The following BPIFB4 variants were observed in gnomAD, a reference collection of about 807,000 sequenced individuals.
BPIFB4 encodes BPI fold containing family B member 4, also known as BPI fold-containing family B member 4.
A neutral mutation model predicts 69.2 loss-of-function variants in BPIFB4; 62 were observed. The ratio of observed to expected loss-of-function variants is 0.90; its 90% CI spans 0.73 to 1.11. The LOEUF (loss-of-function observed/expected upper bound fraction) is 1.11. Among genes scored for constraint, BPIFB4 ranks in the 50% least tolerant of loss-of-function variants. The pLI, the probability that BPIFB4 is intolerant of heterozygous loss-of-function variation, is 0.00. For missense variants in BPIFB4, 789 were observed against 792.0 expected (o/e 1.00, Z 0.04); for synonymous variants, 330 against 332.7 (o/e 0.99, Z 0.09).
In BPIFB4 at chr20:33,083,473, C is replaced by T; in HGVS notation, c.276C>T (p.Thr92=). The change falls in exon 5 of 18, where the codon ACC becomes ACT. Residue 92 remains threonine, a synonymous_variant. Transcript: ENST00000375483. ...TTTACCAGTATGGTCACATTGAGAC[C>T]AACGACAACACTGCTCAGCTGGGGG... The part of the protein sequence containing the change: ...DGIYQYGHIE[T]NDNTAQLGGK... 1 of 1,613,500 alleles carries T rather than the reference C, an allele frequency of 6.2e-7. No individual in the cohort carries two copies. The highest frequency in any genetic ancestry group is 8.5e-7 in the Non-Finnish European group (1 of 1,179,648).
chr20:33,079,934 G>A (rs1981179729), intron 1 of BPIFB4, among the ~76,000 whole-genome samples: 1 of 152,214 alleles, frequency 6.6e-6, no homozygotes, highest in Non-Finnish European at 1.5e-5. Context: ...CTTTCCCAGG[G>A]ACGTTGGGTA....
At chr20:33,105,902 T>G (rs1982037568) in intron 16 of BPIFB4, among the ~76,000 whole-genome samples, 1 of 152,146 alleles carries the variant, frequency 6.6e-6, no homozygotes, top group Non-Finnish European at 1.5e-5. Context: ...GCGAGTCTTT[T>G]AATCATACTG....
chr20:33,088,869 C>T, intron 7 of BPIFB4, 97 bp from the exon 8 acceptor site: 82 of 1,583,822 alleles, frequency 5.2e-5, no homozygotes, highest in Non-Finnish European at 6.8e-5. Flanking sequence ...GAGGTTCTCA[C>T]TGTTCAGAGC....
At chr20:33,083,104 T>C (rs1186997082) in intron 4 of BPIFB4, 104 bp downstream of exon 4, 7 of 40,722 alleles carry the variant, frequency 1.7e-4, no homozygotes, top group South Asian at 8.6e-4. Context: ...GCCTGCTTGG[T>C]GGTGGGGGTG....
At chr20:33,087,798 T>C (rs1343716868) in intron 7 of BPIFB4, among the ~76,000 whole-genome samples, 1 of 147,210 alleles carries the variant, frequency 6.8e-6, no homozygotes, top group Non-Finnish European at 1.5e-5. Flanking sequence ...AAGGCCCTTA[T>C]CATCTGAGGA....
rs755221688 is a variant in BPIFB4 at position 33,102,921 on chromosome 20, A to C, written c.1638-51A>C. 121 of 1,581,510 alleles carry C rather than the reference A, an allele frequency of 7.7e-5. 3 individuals are homozygous for C. The South Asian group carries it at 1.3e-3, about 17-fold the overall frequency. On this transcript the variant is annotated intron_variant, in intron 14 of 17. Coordinates refer to ENST00000375483, the MANE Select transcript of BPIFB4 (RefSeq NM_182519.3). ...CAATTTGTTGCAATGCAAGAGCCTT[A>C]TGATTTTCAGGCAATCCCTGCTTCT...
chr20:33,110,978 G>A (rs8122711), intron 17 of BPIFB4, among the ~76,000 whole-genome samples: 2,633 of 151,962 alleles, frequency 0.017, 78 homozygotes, highest in East Asian at 0.11. Flanking sequence ...ACCATGCCCA[G>A]ATAATTTTTG....
At chr20:33,110,419 G>T (rs1982201351) in intron 17 of BPIFB4, among the ~76,000 whole-genome samples, 1 of 152,206 alleles carries the variant, frequency 6.6e-6, no homozygotes, top group Non-Finnish European at 1.5e-5. Context: ...ATTCCTGGAG[G>T]TGTTCACTTT....
In BPIFB4 at chr20:33,101,332, G is replaced by A. The variant is rs187339631; in HGVS notation, c.1637+839G>A. Among the ~76,000 whole-genome samples the A allele has an allele frequency of 2.0e-4, 31 of 152,256 alleles. No homozygotes were observed. The East Asian group carries it at 4.8e-3, about 24-fold the overall frequency. On this transcript the variant is annotated intron_variant, in intron 14 of 17. Transcript: ENST00000375483. The stretch of plus-strand genomic sequence containing the variant: ...CTGCATTGGATGGGTACAATCATGC[G>A]CTTTGGAGCCAAGCAATATGGGTTC...
intron 8 of BPIFB4, 95 bp from the exon 9 acceptor site, chr20:33,089,403 A>C (rs536237654): frequency 3.8e-6 from 6 of 1,580,474 alleles, no homozygotes; most frequent in African/African-American, 1.3e-5. Context: ...GCAAGCAGTC[A>C]GTAAATTTTA....
At chr20:33,089,582 G>A in intron 9 of BPIFB4, 24 bp downstream of exon 9, 2 of 1,614,202 alleles carry the variant, frequency 1.2e-6, no homozygotes, top group Admixed American at 1.7e-5. Flanking sequence ...ACTTTCTCCA[G>A]CCTGGGGAAG....
chr20:33,098,072 C>G (rs905639977), intron 13 of BPIFB4, among the ~76,000 whole-genome samples: 9 of 152,166 alleles, frequency 5.9e-5, no homozygotes, highest in Non-Finnish European at 8.8e-5. Context: ...TCATCTGTAA[C>G]ATGGAGAAAA....
intron 16 of BPIFB4, 94 bp from the exon 17 acceptor site, chr20:33,107,647 AAAG>A: frequency 1.1e-6 from 1 of 952,188 alleles, no homozygotes; most frequent in South Asian, 1.4e-5. Flanking sequence ...AAAAAAGAAA[AAAG>A]AAATTGCCAA....
intron 16 of BPIFB4, among the ~76,000 whole-genome samples, chr20:33,105,845 G>A (rs1982034450): frequency 6.6e-6 from 1 of 152,158 alleles, no homozygotes; most frequent in Non-Finnish European, 1.5e-5. Context: ...GGGAAGAGAC[G>A]GAGCGTCTTG....
intron 13 of BPIFB4, among the ~76,000 whole-genome samples, chr20:33,098,851 C>T (rs1485363809): frequency 6.6e-6 from 1 of 152,132 alleles, no homozygotes; most frequent in Non-Finnish European, 1.5e-5. Context: ...ATGACCATCC[C>T]CTCATCACCT....
intron 3 of BPIFB4, 58 bp downstream of exon 3, chr20:33,081,690 A>G (rs1981236699): frequency 6.5e-6 from 10 of 1,540,180 alleles, no homozygotes; most frequent in Non-Finnish European, 8.8e-6. Flanking sequence ...CAGCTCTGCC[A>G]ACTCTGAAGT....
At chr20:33,098,657 A>C (rs1981823563) in intron 13 of BPIFB4, among the ~76,000 whole-genome samples, 1 of 151,568 alleles carries the variant, frequency 6.6e-6, no homozygotes, top group Admixed American at 6.6e-5. Context: ...AGGCACGAGA[A>C]TCGCTTGAAC....
rs747659473 is a variant in BPIFB4, at chr20:33,104,864, G to A, written c.1735G>A (p.Ala579Thr). The A allele has an allele frequency of 3.0e-5, 48 of 1,613,876 alleles. No individual in the cohort carries two copies. The highest frequency in any genetic ancestry group is 1.6e-4 in the Middle Eastern group (1 of 6,084). ...GATTTTTGACCTGGCATTCATGCCCGCAATGAACGGTGAGAGCGGGTGCCT... is the reference window on the plus strand; with the variant it reads ...GATTTTTGACCTGGCATTCATGCCCACAATGAACGGTGAGAGCGGGTGCCT... ...EKIFDLAFMP[A>T]MNAVLGSGVP... The change falls in exon 16 of 18, where the codon GCA becomes ACA. Residue 579 changes from alanine to threonine, a missense_variant. Coordinates refer to ENST00000375483, the MANE Select transcript of BPIFB4 (RefSeq NM_182519.3).
In BPIFB4 at chr20:33,083,321, G is replaced by A. The variant is rs1313203147; in HGVS notation, c.170-46G>A. 4 of 1,573,144 alleles carry A rather than the reference G, an allele frequency of 2.5e-6. No homozygotes were observed. The South Asian group carries it at 3.5e-5, about 14-fold the overall frequency. On this transcript the variant is annotated intron_variant, in intron 4 of 17. Coordinates refer to ENST00000375483, the MANE Select transcript of BPIFB4 (RefSeq NM_182519.3). ...CAGTGGTGGTGGTCTTTTGGGTGGTGGCCGACACCATTACAATGACTACAG... is the reference window on the plus strand; with the variant it reads ...CAGTGGTGGTGGTCTTTTGGGTGGTAGCCGACACCATTACAATGACTACAG...
Sources: allele counts gnomAD v4.1 joint callset (sites outside exome capture counted in the v4.1 genomes callset), GRCh38; gene constraint gnomAD v4.1.1; transcripts MANE v1.5; gene names NCBI Gene and HGNC (gene_info 2026-07-23, HGNC 2026-07-21).